The following RSPO4 variants were observed in gnomAD, a reference collection of about 807,000 sequenced individuals.
The protein encoded by RSPO4 is R-spondin-4.
Under a neutral mutation model 24.8 loss-of-function variants are expected in RSPO4, and 23 were observed. The observed-to-expected ratio is 0.93, with a 90% CI of 0.67 to 1.31. The LOEUF is 1.31. Ranked by LOEUF, RSPO4 falls within the 40% of genes most tolerant of loss-of-function variation. The probability of loss-of-function intolerance (pLI) is 0.00; values close to 1 mark genes in which losing one functional copy is unlikely to be tolerated. For missense variants in RSPO4, 333 were observed against 316.5 expected (o/e 1.05, Z -0.39); for synonymous variants, 141 against 127.4 (o/e 1.11, Z -0.72).
intron 4 of RSPO4, 110 bp downstream of exon 4, chr20:963,825 T>G: frequency 9.0e-7 from 1 of 1,107,726 alleles, no homozygotes; most frequent in Admixed American, 1.7e-5. Flanking sequence ...TGGCTAATGG[T>G]GGCCTTTCAG....
At position 965,363 on chromosome 20, in the gene RSPO4, G is replaced by C. The variant is rs533048255; in HGVS notation, c.410-1243C>G. On this transcript the variant is annotated intron_variant, in intron 3 of 4. Coordinates refer to ENST00000217260, the MANE Select transcript of RSPO4 (RefSeq NM_001029871.4). ...CCCAGGATGATTTGGCCTGGAACTG[G>C]GCAAGCCGGAGAATAAGCTCAAACT... is the stretch of plus-strand genomic sequence containing the variant. Among the ~76,000 whole-genome samples the C allele has an allele frequency of 5.3e-5, 8 of 152,328 alleles. No individual in the cohort carries two copies. In the East Asian group the frequency reaches 1.5e-3, roughly 29 times the overall value.
chr20:1,001,981 G>T (rs1985480132), intron 1 of RSPO4, 105 bp downstream of exon 1: 1 of 904,078 alleles, frequency 1.1e-6, no homozygotes, highest in Non-Finnish European at 1.7e-6. Flanking sequence ...GACCCAGGGC[G>T]CCAGGCACCA....
At chr20:984,958 CCCA>C (rs1270448697) in intron 1 of RSPO4, among the ~76,000 whole-genome samples, 1 of 146,036 alleles carries the variant, frequency 6.8e-6, no homozygotes, top group African/African-American at 2.5e-5. Context: ...CATCCACCCA[CCCA>C]CCCATCTATC....
chr20:966,542 AT>A (rs1467915992), intron 3 of RSPO4, among the ~76,000 whole-genome samples: 2 of 151,816 alleles, frequency 1.3e-5, no homozygotes, highest in African/African-American at 4.8e-5. Flanking sequence ...TAGAGCTAGG[AT>A]TGGACCCCAG....
chr20:981,419 G>A lies in RSPO4; in HGVS notation c.80-13281C>T, dbSNP rs1984731420. On this transcript the variant is annotated intron_variant, in intron 1 of 4. Coordinates refer to ENST00000217260, the MANE Select transcript of RSPO4 (RefSeq NM_001029871.4). The surrounding 1 kb of genome is among the most constrained non-coding windows in gnomAD (Gnocchi z 4.6). ...GCACACCTGTAATCCCAGCTACTCA[G>A]GTGGCTGAGGCATGAGAAACGCTTG... 6.6e-6 allele frequency among the ~76,000 whole-genome samples: 1 copy of A among 152,188 alleles called. No individual in the cohort carries two copies. The highest frequency in any genetic ancestry group is 2.1e-4 in the South Asian group (1 of 4,830).
intron 1 of RSPO4, among the ~76,000 whole-genome samples, chr20:972,728 T>C (rs1330186846): frequency 1.3e-5 from 2 of 152,164 alleles, no homozygotes; most frequent in African/African-American, 2.4e-5. Flanking sequence ...CATTGACTGA[T>C]GATGTCGGGT....
chr20:972,645 C>A (rs755178106), intron 1 of RSPO4, among the ~76,000 whole-genome samples: 1 of 152,230 alleles, frequency 6.6e-6, no homozygotes, highest in East Asian at 1.9e-4. Flanking sequence ...TGCCCACCGC[C>A]GAGATTCTTT....
intron 1 of RSPO4, among the ~76,000 whole-genome samples, chr20:984,162 C>T (rs1424951053): frequency 6.6e-6 from 1 of 151,888 alleles, no homozygotes; most frequent in Non-Finnish European, 1.5e-5. Context: ...ACGGTGAAAC[C>T]CCGTCTCTAC....
rs549269400 is a variant in RSPO4, at chr20:966,027, T to C, written c.409+1147A>G. Among the ~76,000 whole-genome samples the C allele has an allele frequency of 9.2e-5, 14 of 152,208 alleles. 1 individual carries two copies. The highest frequency in any genetic ancestry group is 1.0e-4 in the Non-Finnish European group (7 of 68,002). On this transcript the variant is annotated intron_variant, in intron 3 of 4. Coordinates refer to ENST00000217260, the MANE Select transcript of RSPO4 (RefSeq NM_001029871.4). ...CACCCAGGGATCAGGGAGCTGGTTA[T>C]TGAAACCCAGAGGAAACCCAGAGGG...
At chr20:971,510 A>G (rs1325624261) in intron 1 of RSPO4, among the ~76,000 whole-genome samples, 2 of 152,256 alleles carry the variant, frequency 1.3e-5, no homozygotes, top group South Asian at 2.1e-4. Flanking sequence ...CACCACAGCC[A>G]GATACCACAT....
intron 1 of RSPO4, among the ~76,000 whole-genome samples, chr20:984,144 T>C (rs1361225299): frequency 7.2e-5 from 11 of 152,056 alleles, no homozygotes; most frequent in African/African-American, 2.7e-4. Context: ...AAGACCAGCC[T>C]GACCAAGACG....
chr20:990,428 T>C (rs1985059837), intron 1 of RSPO4, among the ~76,000 whole-genome samples: 1 of 152,130 alleles, frequency 6.6e-6, no homozygotes, highest in Admixed American at 6.5e-5. Flanking sequence ...CCCAAGTGTA[T>C]GTTTTCCTTC....
chr20:964,682 G>A (rs916193151), intron 3 of RSPO4, among the ~76,000 whole-genome samples: 12 of 141,080 alleles, frequency 8.5e-5, no homozygotes, highest in African/African-American at 2.4e-4. Context: ...ATATATACAT[G>A]TATATATATA....
chr20:990,238 C>G (rs934789627), intron 1 of RSPO4, among the ~76,000 whole-genome samples: 1 of 152,166 alleles, frequency 6.6e-6, no homozygotes, highest in African/African-American at 2.4e-5. Flanking sequence ...GGTCCCGAGG[C>G]ACACCAGGGA....
intron 1 of RSPO4, among the ~76,000 whole-genome samples, chr20:984,627 G>C (rs1412643308): frequency 1.3e-5 from 2 of 152,170 alleles, no homozygotes; most frequent in Non-Finnish European, 1.5e-5. Flanking sequence ...CTGGCACAAA[G>C]TGAGCATCTT....
At chr20:980,556 C>A (rs1255236442) in intron 1 of RSPO4, among the ~76,000 whole-genome samples, 1 of 152,208 alleles carries the variant, frequency 6.6e-6, no homozygotes, top group Non-Finnish European at 1.5e-5. Flanking sequence ...AGGAGTGAGT[C>A]TCCTGCCTCG....
chr20:982,736 G>C (rs937604885), intron 1 of RSPO4, among the ~76,000 whole-genome samples: 13 of 152,176 alleles, frequency 8.5e-5, no homozygotes, highest in Admixed American at 8.5e-4. Flanking sequence ...GTTGTAAAGT[G>C]CCCTGAGGCC....
chr20:964,069 C>A lies in RSPO4; in HGVS notation c.461G>T (p.Gly154Val), dbSNP rs560532338. ...GCCCCAAGCCGAGCCGCAGGTCTTT[C>A]CATTGTGTGTGCAGGGGCTCCAGCC... Reference protein sequence around the residue: ...WGGWSPCTHNGKTCGSAWGLE... With the variant: ...WGGWSPCTHNVKTCGSAWGLE... Residue 154 changes from glycine to valine, a missense_variant, in exon 4 of 5, where the codon GGA becomes GTA. Transcript: ENST00000217260. 6.2e-7 allele frequency: 1 copy of A among 1,613,898 alleles called. No homozygotes were observed. Among genetic ancestry groups the A allele is most frequent in the Non-Finnish European group, 8.5e-7 (1 of 1,180,038 alleles).
chr20:977,078 C>T (rs1275479576), intron 1 of RSPO4, among the ~76,000 whole-genome samples: 2 of 152,190 alleles, frequency 1.3e-5, no homozygotes, highest in African/African-American at 2.4e-5. Flanking sequence ...TACATCTTAA[C>T]ACCCACTTCA....
Sources: allele counts gnomAD v4.1 joint callset (sites outside exome capture counted in the v4.1 genomes callset), GRCh38; gene constraint gnomAD v4.1.1; non-coding constraint Gnocchi (gnomAD v3.1); transcripts MANE v1.5; gene names NCBI Gene and HGNC (gene_info 2026-07-23, HGNC 2026-07-21).